KIF15: variants seen among roughly 807,000 people sequenced by gnomAD.
KIF15 encodes the protein kinesin-like protein KIF15.
KIF15 carries 140 observed loss-of-function variants against 190.6 expected under a neutral mutation model. The ratio of observed to expected loss-of-function variants is 0.73; its 90% CI spans 0.64 to 0.84. The LOEUF (loss-of-function observed/expected upper bound fraction) is 0.84, where lower values mean the gene tolerates loss of function less well. KIF15 is among the 40% of genes least tolerant of loss of function. The pLI is 0.00. For missense variants in KIF15, 1,372 were observed against 1,584.4 expected (o/e 0.87, Z 2.28); for synonymous variants, 528 against 551.3 (o/e 0.96, Z 0.59).
chr3:44,806,045 T>C (rs1707483901), intron 16 of KIF15, 59 bp downstream of exon 16: 5 of 1,563,336 alleles, frequency 3.2e-6, no homozygotes, highest in African/African-American at 1.4e-5. Flanking sequence ...TTATTAATAA[T>C]GGAGAGAGTC....
At chr3:44,823,598 A>G (rs1160993727) in intron 20 of KIF15, among the ~76,000 whole-genome samples, 1 of 152,158 alleles carries the variant, frequency 6.6e-6, no homozygotes, top group Non-Finnish European at 1.5e-5. Context: ...CCTTTTGCTC[A>G]GCTATGCTCT....
chr3:44,784,233 G>A (rs528874851), intron 5 of KIF15, among the ~76,000 whole-genome samples: 29 of 152,192 alleles, frequency 1.9e-4, no homozygotes, highest in African/African-American at 6.7e-4. Context: ...GTGCAGTGGC[G>A]CCATCTCGGC....
At chr3:44,857,083 C>G (rs975065882), downstream of KIF15, among the ~76,000 whole-genome samples, 1 of 151,966 alleles carries the variant, frequency 6.6e-6, no homozygotes, top group Non-Finnish European at 1.5e-5. Flanking sequence ...GGATGAGGAA[C>G]AGGAAAGAAG....
chr3:44,766,581 T>G (rs1472492872), intron 1 of KIF15, among the ~76,000 whole-genome samples: 1 of 152,108 alleles, frequency 6.6e-6, no homozygotes, highest in Non-Finnish European at 1.5e-5. Context: ...GAGGAACCCC[T>G]TGCAATTAGG....
chr3:44,817,801 G>A (rs892854892), intron 20 of KIF15, among the ~76,000 whole-genome samples: 2 of 152,190 alleles, frequency 1.3e-5, no homozygotes, highest in East Asian at 1.9e-4. Flanking sequence ...GCTTGATGGG[G>A]ATGGCATTGA....
chr3:44,863,308 C>CCCG (rs1553668754), intron 6 of KIF15: 2 of 111,316 alleles, frequency 1.8e-5, no homozygotes, highest in African/African-American at 2.9e-5. Flanking sequence ...GCACCCCCCC[C>CCCG]CCCCGCCGCC....
At chr3:44,775,997 A>T (rs1170826869) in intron 3 of KIF15, among the ~76,000 whole-genome samples, 12 of 151,428 alleles carry the variant, frequency 7.9e-5, no homozygotes, top group African/African-American at 2.7e-4. Context: ...AGAGAATGGC[A>T]TGAACCTAGG....
chr3:44,829,224 G>T (rs1033826953), intron 24 of KIF15, among the ~76,000 whole-genome samples: 3 of 150,720 alleles, frequency 2.0e-5, no homozygotes, highest in African/African-American at 4.9e-5. Context: ...GGGCATGGTG[G>T]CAGGTGCCTG....
chr3:44,847,761 T>A (rs923225379), intron 30 of KIF15, among the ~76,000 whole-genome samples: 2 of 152,260 alleles, frequency 1.3e-5, no homozygotes, highest in African/African-American at 4.8e-5. Flanking sequence ...TCATCTTGCT[T>A]TTGTACTGGG....
chr3:44,807,627 A>G (rs889485045), intron 16 of KIF15, among the ~76,000 whole-genome samples: 2 of 152,078 alleles, frequency 1.3e-5, no homozygotes, highest in African/African-American at 4.8e-5. Flanking sequence ...AAGTCAATCA[A>G]TGTCACCAAG....
chr3:44,864,385 G>A, intron 6 of KIF15: 3 of 1,612,282 alleles, frequency 1.9e-6, no homozygotes, highest in Non-Finnish European at 2.5e-6. Flanking sequence ...CTAAATCTGG[G>A]TTCTGGGTGA....
intron 30 of KIF15, among the ~76,000 whole-genome samples, chr3:44,845,133 C>A (rs1011135415): frequency 2.6e-5 from 4 of 152,178 alleles, no homozygotes; most frequent in African/African-American, 9.7e-5. Context: ...ATAAGATTGT[C>A]TCTCAGAAAT....
intron 4 of KIF15, among the ~76,000 whole-genome samples, chr3:44,780,282 G>A (rs1247428951): frequency 6.6e-6 from 1 of 151,988 alleles, no homozygotes; most frequent in African/African-American, 2.4e-5. Context: ...TCTGTTAAGT[G>A]GGATAACAGG....
In KIF15 at chr3:44,794,281, G is replaced by T; in HGVS notation, c.704G>T (p.Arg235Met). 3 of 1,614,034 alleles carry T rather than the reference G, an allele frequency of 1.9e-6. No homozygotes were observed. Among genetic ancestry groups the T allele is most frequent in the Non-Finnish European group, 2.5e-6 (3 of 1,179,972 alleles). Residue 235 changes from arginine (R) to methionine (M), a missense_variant, in exon 8 of 35, where the codon AGG becomes ATG. Arg to Met is a moderately conservative substitution (Grantham distance 91). Coordinates refer to ENST00000326047, the MANE Select transcript of KIF15 (RefSeq NM_020242.3). ...ASTSMNRESS[R>M]SHAVFTITIE... ...ACATCAATGAACAGAGAATCGTCTA[G>T]GTCTCATGCCGTCTTTACAATTACA...
At chr3:44,781,498 T>C (rs1383921897) in intron 5 of KIF15, among the ~76,000 whole-genome samples, 1 of 152,216 alleles carries the variant, frequency 6.6e-6, no homozygotes. Context: ...TTTCAACTTT[T>C]CAACCATACG....
chr3:44,814,797 T>C, intron 19 of KIF15, 114 bp from the exon 20 acceptor site: 1 of 731,082 alleles, frequency 1.4e-6, no homozygotes, highest in East Asian at 3.0e-5. Flanking sequence ...CTTTAACATT[T>C]TTCCTTAAAA....
downstream of KIF15, among the ~76,000 whole-genome samples, chr3:44,855,663 T>TG (rs1427131252): frequency 6.6e-6 from 1 of 152,040 alleles, no homozygotes; most frequent in African/African-American, 2.4e-5. Flanking sequence ...AGAAAGATTT[T>TG]GGGGTGAGGG....
chr3:44,812,382 G>A (rs1234951492), intron 18 of KIF15, 93 bp downstream of exon 18: 2 of 852,898 alleles, frequency 2.3e-6, no homozygotes, highest in South Asian at 1.5e-5. Context: ...ACATCCTTGA[G>A]TATGCATGAA....
At position 44,805,154 on chromosome 3, in the gene KIF15, C is replaced by T; in HGVS notation, c.1815C>T (p.Phe605=). The change falls in exon 15 of 35, where the codon TTC becomes TTT. Residue 605 remains phenylalanine (F), a synonymous_variant. Transcript: ENST00000326047. ...ATTCAAAGCAAGAATATGAAGAATT[C>T]AAAGAACTTACTAGGTAAAGTCTAA... is the stretch of plus-strand genomic sequence containing the variant. ...LNNSKQEYEE[F]KELTRKRQLE... 1 of 1,611,070 alleles carries T rather than the reference C, an allele frequency of 6.2e-7. No homozygotes were observed. The highest frequency in any genetic ancestry group is 8.5e-7 in the Non-Finnish European group (1 of 1,179,166).
Sources: gnomAD v4.1 joint callset for allele counts (sites outside exome capture counted in the v4.1 genomes callset) on GRCh38, gnomAD v4.1.1 for gene constraint, MANE v1.5 for transcripts, NCBI Gene and HGNC (gene_info 2026-07-23, HGNC 2026-07-21) for gene names.